DCC: variants seen among roughly 807,000 people sequenced by gnomAD.
DCC encodes netrin receptor DCC.
A neutral mutation model predicts 172.5 loss-of-function variants in DCC; 58 were observed. That is an observed-to-expected ratio of 0.34 (90% confidence interval 0.27 to 0.42). The LOEUF is 0.42. Ranked by LOEUF, DCC falls within the 10% of genes least tolerant of loss-of-function variation. DCC has a pLI of 1.00. For synonymous variants in DCC, 709 were observed against 644.5 expected (o/e 1.10, Z -1.52); for missense variants, 1,740 against 1,791.0 (o/e 0.97, Z 0.51).
intron 2 of DCC, among the ~76,000 whole-genome samples, chr18:52,784,125 A>G (rs1177384523): frequency 1.3e-5 from 2 of 152,006 alleles, no homozygotes; most frequent in African/African-American, 4.8e-5. Context: ...ATTCTAGTGT[A>G]TAAGTCCATG....
chr18:52,803,596 CTTTATA>C (rs1218094405), intron 2 of DCC, among the ~76,000 whole-genome samples: 3 of 152,034 alleles, frequency 2.0e-5, no homozygotes, highest in Non-Finnish European at 4.4e-5. Context: ...CTTAGTTTTA[CTTTATA>C]TTTAGGCTAC....
At chr18:52,592,843 CT>C (rs1407800544) in intron 1 of DCC, among the ~76,000 whole-genome samples, 4 of 152,038 alleles carry the variant, frequency 2.6e-5, no homozygotes, top group African/African-American at 9.7e-5. Flanking sequence ...TGGGGTTTTG[CT>C]ATGTTGGCCA....
intron 1 of DCC, among the ~76,000 whole-genome samples, chr18:52,718,451 A>T (rs2036423344): frequency 6.6e-6 from 1 of 152,162 alleles, no homozygotes; most frequent in Admixed American, 6.5e-5. Context: ...CACCCTTTGA[A>T]GTTGCCTTAT....
chr18:53,399,280 C>T (rs1909152478), intron 18 of DCC, among the ~76,000 whole-genome samples: 1 of 151,932 alleles, frequency 6.6e-6, no homozygotes, highest in African/African-American at 2.4e-5. Flanking sequence ...TTTTTATTTC[C>T]TTGTATGTAG....
chr18:53,506,562 C>A (rs2144503838), intron 27 of DCC, among the ~76,000 whole-genome samples: 1 of 152,030 alleles, frequency 6.6e-6, no homozygotes, highest in East Asian at 1.9e-4. Context: ...TCTCTGCGTT[C>A]ATAGAAAGGA....
chr18:52,793,467 T>C (rs1441798641), intron 2 of DCC, among the ~76,000 whole-genome samples: 2 of 152,230 alleles, frequency 1.3e-5, no homozygotes, highest in Non-Finnish European at 2.9e-5. Context: ...AAGTTATTTC[T>C]TAACTCCTTT....
chr18:53,514,110 C>A (rs1382650342), intron 27 of DCC, among the ~76,000 whole-genome samples: 1 of 152,066 alleles, frequency 6.6e-6, no homozygotes, highest in African/African-American at 2.4e-5. Context: ...CAGTGCAGAC[C>A]ACAGTGCAAT....
intron 1 of DCC, among the ~76,000 whole-genome samples, chr18:52,518,221 T>C (rs569567235): frequency 6.6e-6 from 1 of 152,300 alleles, no homozygotes; most frequent in East Asian, 1.9e-4. Flanking sequence ...TATGATAGCA[T>C]GAGGCTGAGT....
intron 1 of DCC, among the ~76,000 whole-genome samples, chr18:52,465,210 A>T (rs1988750333): frequency 6.6e-6 from 1 of 152,154 alleles, no homozygotes; most frequent in East Asian, 1.9e-4. Flanking sequence ...CCCACCTAGT[A>T]AAGTACTAGA....
At chr18:53,440,967 A>T (rs1912235792) in intron 22 of DCC, among the ~76,000 whole-genome samples, 1 of 152,086 alleles carries the variant, frequency 6.6e-6, no homozygotes, top group Non-Finnish European at 1.5e-5. Flanking sequence ...GTAAGATTGG[A>T]TTTTTCTTTG....
chr18:52,428,122 C>G (rs1189234195), intron 1 of DCC, among the ~76,000 whole-genome samples: 1 of 152,032 alleles, frequency 6.6e-6, no homozygotes, highest in Non-Finnish European at 1.5e-5. Flanking sequence ...TATCTTCTCT[C>G]TCTGCAGCCC....
At chr18:52,461,124 T>C (rs1249794189) in intron 1 of DCC, among the ~76,000 whole-genome samples, 1 of 152,228 alleles carries the variant, frequency 6.6e-6, no homozygotes, top group African/African-American at 2.4e-5. Flanking sequence ...CTTTGTTCTA[T>C]AAGCTTTTCT....
At chr18:52,402,059 T>C (rs1235782658) in intron 1 of DCC, among the ~76,000 whole-genome samples, 1 of 151,968 alleles carries the variant, frequency 6.6e-6, no homozygotes, top group African/African-American at 2.4e-5. Flanking sequence ...AGCAAGTGTA[T>C]TACTTGTCAA....
At chr18:52,507,946 C>CA (rs1398020254) in intron 1 of DCC, among the ~76,000 whole-genome samples, 1 of 151,902 alleles carries the variant, frequency 6.6e-6, no homozygotes, top group East Asian at 1.9e-4. Flanking sequence ...ACTAAAAATA[C>CA]AAAAATTAGC....
At chr18:52,404,741 G>A (rs1238341164) in intron 1 of DCC, among the ~76,000 whole-genome samples, 5 of 149,936 alleles carry the variant, frequency 3.3e-5, no homozygotes, top group Non-Finnish European at 7.4e-5. Context: ...ATACATGTGC[G>A]ATGCTGGTGC....
At chr18:52,808,115 T>A (rs2038121783) in intron 2 of DCC, among the ~76,000 whole-genome samples, 1 of 152,228 alleles carries the variant, frequency 6.6e-6, no homozygotes, top group South Asian at 2.1e-4. Context: ...ATGTATGAGA[T>A]TTCACAAGCT....
intron 7 of DCC, among the ~76,000 whole-genome samples, chr18:53,095,406 C>A (rs2043071760): frequency 6.6e-6 from 1 of 152,166 alleles, no homozygotes; most frequent in African/African-American, 2.4e-5. Context: ...GTTTGACTTG[C>A]TCTAAGAACA....
chr18:52,602,689 CTT>C (rs145472315), intron 1 of DCC, among the ~76,000 whole-genome samples: 1 of 151,124 alleles, frequency 6.6e-6, no homozygotes, highest in Non-Finnish European at 1.5e-5. Flanking sequence ...AAAGAGACGA[CTT>C]TTTTTTTACA....
In DCC at chr18:53,526,740, C is replaced by T. The variant is rs2046460204; in HGVS notation, c.4235C>T (p.Pro1412Leu). The change falls in exon 28 of 29, where the codon CCA becomes CTA. Residue 1412 changes from proline (P) to leucine (L), a missense_variant. Physicochemically the swap from Pro to Leu is moderately conservative, Grantham distance 98. Coordinates refer to ENST00000442544, the MANE Select transcript of DCC (RefSeq NM_005215.4). ...GAAGTGTCTGAGGAGAGCCACAAAC[C>T]AACAGAGGATTCAGCCAATGTAAGG... The part of the protein sequence containing the change: ...APEVSEESHK[P>L]TEDSANVYEQ... The T allele has an allele frequency of 6.2e-7, 1 of 1,613,406 alleles. No homozygotes were observed. The highest frequency in any genetic ancestry group is 8.5e-7 in the Non-Finnish European group (1 of 1,179,610).
Sources: allele counts gnomAD v4.1 joint callset (sites outside exome capture counted in the v4.1 genomes callset), GRCh38; gene constraint gnomAD v4.1.1; transcripts MANE v1.5; gene names NCBI Gene and HGNC (gene_info 2026-07-23, HGNC 2026-07-21).